The following MAPK6 variants were observed in gnomAD, a reference collection of about 807,000 sequenced individuals.
MAPK6 encodes the protein mitogen-activated protein kinase 6.
MAPK6 carries 19 observed loss-of-function variants against 59.3 expected under a neutral mutation model. That is an observed-to-expected ratio of 0.32 (90% CI 0.22 to 0.47). MAPK6 has a LOEUF of 0.47. Among genes scored for constraint, MAPK6 ranks in the 20% least tolerant of loss-of-function variants. The probability of loss-of-function intolerance (pLI) is 1.00; values close to 1 mark genes in which losing one functional copy is unlikely to be tolerated. For synonymous variants in MAPK6, 316 were observed against 290.3 expected, an observed-to-expected ratio of 1.09 and a Z score of -0.90; for missense variants, 724 against 847.9, an observed-to-expected ratio of 0.85 and a Z score of 1.81.
intron 2 of MAPK6, among the ~76,000 whole-genome samples, chr15:51,989,605 T>G (rs1452295256): frequency 6.6e-6 from 1 of 152,094 alleles, no homozygotes; most frequent in Non-Finnish European, 1.5e-5. Context: ...ATTTATTATT[T>G]TTTATTTTTT....
At chr15:51,977,248 C>A (rs1595955499) in intron 1 of MAPK6, among the ~76,000 whole-genome samples, 1 of 151,706 alleles carries the variant, frequency 6.6e-6, no homozygotes, top group African/African-American at 2.4e-5. Flanking sequence ...GGCAATCCAT[C>A]CACCTTGGCC....
At chr15:52,006,491 C>T (rs1212443792) in intron 3 of MAPK6, among the ~76,000 whole-genome samples, 1 of 152,216 alleles carries the variant, frequency 6.6e-6, no homozygotes, top group African/African-American at 2.4e-5. Context: ...CCACTACATT[C>T]AGACACTGTG....
In MAPK6 at chr15:52,066,610, T is replaced by C. The variant is rs1287366951; in HGVS notation, c.*1610T>C. On this transcript the variant is annotated 3_prime_UTR_variant, in exon 6 of 6. Coordinates refer to ENST00000261845, the MANE Select transcript of MAPK6 (RefSeq NM_002748.4). ...TTGTTTTGTACAACACCAATTCTATTAATATCTGCCCACCTACCTTCTCAA... is the reference window on the plus strand; with the variant it reads ...TTGTTTTGTACAACACCAATTCTATCAATATCTGCCCACCTACCTTCTCAA... 1.1e-4 allele frequency: 2 copies of C among 17,748 alleles called. No individual in the cohort carries two copies. Among genetic ancestry groups the C allele is most frequent in the Non-Finnish European group, 1.6e-3 (2 of 1,218 alleles). The allele number at this position is 17,748 out of a possible 1,614,324, so 1.1% of individuals were successfully genotyped here.
upstream of MAPK6, among the ~76,000 whole-genome samples, chr15:52,016,434 T>C (rs922873799): frequency 1.3e-5 from 2 of 151,932 alleles, no homozygotes; most frequent in Non-Finnish European, 2.9e-5. Flanking sequence ...ACCAACTACA[T>C]TGACATGACT....
At chr15:52,012,316 TGTG>T (rs1422435130) in intron 3 of MAPK6, among the ~76,000 whole-genome samples, 5 of 152,222 alleles carry the variant, frequency 3.3e-5, no homozygotes, top group Non-Finnish European at 7.3e-5. Context: ...CTTTTGTAAA[TGTG>T]GTGTCTGTAT....
At chr15:52,055,070 G>A (rs1233397167) in intron 3 of MAPK6, among the ~76,000 whole-genome samples, 1 of 152,210 alleles carries the variant, frequency 6.6e-6, no homozygotes, top group Non-Finnish European at 1.5e-5. Context: ...AAGAGCCACC[G>A]TGTCCGGCCA....
At chr15:51,975,325 G>A (rs1466152168) in intron 1 of MAPK6, among the ~76,000 whole-genome samples, 2 of 151,506 alleles carry the variant, frequency 1.3e-5, no homozygotes, top group African/African-American at 2.4e-5. Context: ...GGTGGATCAC[G>A]AGGTCAAGAG....
chr15:52,013,617 C>G (rs543565720), intron 3 of MAPK6, among the ~76,000 whole-genome samples: 1 of 152,300 alleles, frequency 6.6e-6, no homozygotes, highest in Admixed American at 6.5e-5. Context: ...TCCTTCCTCA[C>G]CTAGTAAAGG....
chr15:52,042,126 T>G (rs1002533871), intron 1 of MAPK6, among the ~76,000 whole-genome samples: 3 of 152,196 alleles, frequency 2.0e-5, no homozygotes, highest in Non-Finnish European at 4.4e-5. Flanking sequence ...TTAAGGTGGG[T>G]CTGCTTTCCA....
At chr15:52,031,492 A>G (rs766547559) in intron 1 of MAPK6, among the ~76,000 whole-genome samples, 1 of 152,270 alleles carries the variant, frequency 6.6e-6, no homozygotes, top group South Asian at 2.1e-4. Flanking sequence ...GTCCAACACA[A>G]TGCTTCACAC....
intron 1 of MAPK6, among the ~76,000 whole-genome samples, chr15:52,032,186 ATTTTTTTTT>A (rs566086048): frequency 1.1e-5 from 1 of 92,484 alleles, no homozygotes; most frequent in Non-Finnish European, 2.2e-5. Flanking sequence ...ACAATTTTTA[ATTTTTTTTT>A]TTTTTTTTTT....
At chr15:52,054,684 T>C (rs1222869207) in intron 3 of MAPK6, among the ~76,000 whole-genome samples, 1 of 151,958 alleles carries the variant, frequency 6.6e-6, no homozygotes, top group Non-Finnish European at 1.5e-5. Flanking sequence ...TTTCATTTTT[T>C]ACCTTCTCGA....
At chr15:52,019,477 C>G (rs1182802958) in intron 1 of MAPK6, 101 bp downstream of exon 1, 1 of 147,064 alleles carries the variant, frequency 6.8e-6, no homozygotes, top group Non-Finnish European at 1.5e-5. Flanking sequence ...GACGGCGGAG[C>G]CGGCTCCCTC....
intron 2 of MAPK6, among the ~76,000 whole-genome samples, chr15:51,995,999 A>G (rs2057223175): frequency 1.3e-5 from 2 of 152,128 alleles, no homozygotes; most frequent in Non-Finnish European, 2.9e-5. Flanking sequence ...TCTCATCCTC[A>G]GCTACCACCG....
At chr15:52,006,747 A>G (rs2057260095) in intron 3 of MAPK6, among the ~76,000 whole-genome samples, 1 of 151,968 alleles carries the variant, frequency 6.6e-6, no homozygotes, top group Non-Finnish European at 1.5e-5. Context: ...TGGACCCTTC[A>G]TATCTACCAG....
At chr15:52,030,193 A>G (rs2030973579) in intron 1 of MAPK6, among the ~76,000 whole-genome samples, 1 of 152,176 alleles carries the variant, frequency 6.6e-6, no homozygotes, top group Non-Finnish European at 1.5e-5. Flanking sequence ...CTTCTTATTC[A>G]GGTTTCAGCT....
intron 3 of MAPK6, among the ~76,000 whole-genome samples, chr15:52,051,365 C>A (rs577987022): frequency 2.0e-5 from 3 of 152,134 alleles, no homozygotes; most frequent in South Asian, 2.1e-4. Flanking sequence ...CCCTCCATAC[C>A]CATTTTTAGA....
intron 5 of MAPK6, among the ~76,000 whole-genome samples, chr15:52,062,878 C>T (rs528067124): frequency 5.9e-5 from 9 of 152,104 alleles, no homozygotes; most frequent in Non-Finnish European, 1.3e-4. Context: ...AGGATGGTAG[C>T]TTATAGAGTC....
At chr15:51,998,542 GGC>G (rs1436716818) in intron 2 of MAPK6, among the ~76,000 whole-genome samples, 68 of 138,536 alleles carry the variant, frequency 4.9e-4, no homozygotes, top group African/African-American at 1.8e-3. Context: ...TTTTTTTTGA[GGC>G]AGAGTCTCAC....
Sources: allele counts gnomAD v4.1 joint callset (sites outside exome capture counted in the v4.1 genomes callset), GRCh38; gene constraint gnomAD v4.1.1; transcripts MANE v1.5; gene names NCBI Gene and HGNC (gene_info 2026-07-23, HGNC 2026-07-21).